Variants in ZNF750 observed in about 807,000 individuals in gnomAD.
ZNF750 encodes zinc finger protein 750, also known as protein ZNF750.
Under a neutral mutation model 31.6 loss-of-function variants are expected in ZNF750, and 10 were observed. The ratio of observed to expected loss-of-function variants is 0.32; its 90% confidence interval spans 0.19 to 0.54. The LOEUF (loss-of-function observed/expected upper bound fraction) is 0.54, where lower values mean the gene tolerates loss of function less well. Among genes scored for constraint, ZNF750 ranks in the 20% least tolerant of loss-of-function variants. The pLI is 0.95. For missense variants in ZNF750, 914 were observed against 934.9 expected, an observed-to-expected ratio of 0.98 and a Z score of 0.29; for synonymous variants, 400 against 404.9, an observed-to-expected ratio of 0.99 and a Z score of 0.15.
At chr17:82,834,145 G>A (rs567568291) in intron 1 of ZNF750, among the ~76,000 whole-genome samples, 6 of 152,180 alleles carry the variant, frequency 3.9e-5, no homozygotes, top group African/African-American at 1.4e-4. Flanking sequence ...ACGGGGTTTT[G>A]CCATGTGGGC....
At position 82,832,367 on chromosome 17, in the gene ZNF750, A is replaced by G. The variant is rs2053594870; in HGVS notation, c.88T>C (p.Cys30Arg). 6.2e-7 allele frequency: 1 copy of G among 1,614,130 alleles called. No individual in the cohort carries two copies. Reference sequence around the variant, plus strand: ...GACTTCTCATTGCAAGTAAAGGGACATTGGAAACATTTATACTTGAAGGGC... The same window carrying G: ...GACTTCTCATTGCAAGTAAAGGGACGTTGGAAACATTTATACTTGAAGGGC... ...GKPFKYKCFQCPFTCNEKSHL... is the reference protein window; with the variant it reads ...GKPFKYKCFQRPFTCNEKSHL... Residue 30 changes from cysteine (C) to arginine (R), a missense_variant, in exon 2 of 3, where the codon TGT (cysteine) becomes CGT (arginine). Coordinates refer to ENST00000269394, the MANE Select transcript of ZNF750 (RefSeq NM_024702.3). This position sits in a 1 kb window ranked among gnomAD's most constrained non-coding sequence, Gnocchi z 4.9.
chr17:82,835,737 A>G lies in ZNF750; in HGVS notation c.-182-3101T>C, dbSNP rs2053914102. 6.6e-6 allele frequency among the ~76,000 whole-genome samples: 1 copy of G among 152,114 alleles called. No individual in the cohort carries two copies. Among genetic ancestry groups the G allele is most frequent in the Admixed American group, 6.6e-5 (1 of 15,266 alleles). Reference sequence around the variant, plus strand: ...ACCGTGCCTGGCTCATTTATTTATAATTCTTAAAAACACAACCACCCTTCC... The same window carrying G: ...ACCGTGCCTGGCTCATTTATTTATAGTTCTTAAAAACACAACCACCCTTCC... On this transcript the variant is annotated intron_variant, in intron 1 of 2. Transcript: ENST00000269394. This position sits in a 1 kb window ranked among gnomAD's most constrained non-coding sequence, Gnocchi z 4.5.
chr17:82,830,638 C>G lies in ZNF750; in HGVS notation c.1676G>C (p.Cys559Ser). The G allele has an allele frequency of 5.6e-6, 9 of 1,614,020 alleles. No individual in the cohort carries two copies. The highest frequency in any genetic ancestry group is 7.6e-6 in the Non-Finnish European group (9 of 1,179,936). The change falls in exon 3 of 3, where the codon TGT (cysteine) becomes TCT (serine). Residue 559 changes from cysteine (C) to serine (S), a missense_variant. Cys to Ser is a moderately radical substitution (Grantham distance 112). Around this residue, in one of 2 missense-constraint regions of ZNF750, gnomAD observed 880 missense variants for 868.9 expected, o/e 1.01. Coordinates refer to ENST00000269394, the MANE Select transcript of ZNF750 (RefSeq NM_024702.3). ...LPLNLSVKDP[C>S]NTQAPRPAFP... ...GGCAGGCCTCGGAGCCTGGGTGTTA[C>G]AGGGGTCCTTCACCGAGAGATTGAG...
rs762665211 is a variant in ZNF750 at position 82,830,157 on chromosome 17, C to T, written c.2157G>A (p.Arg719=). Residue 719 remains arginine (R), a synonymous_variant, in exon 3 of 3, where the codon AGG becomes AGA. Transcript: ENST00000269394. ...DTARVFTLRR[R]ARVS The stretch of plus-strand genomic sequence containing the variant: ...GAACCCGGCGTTAGGACACCCGGGC[C>T]CTCCTTCGTAGTGTGAACACTCTGG... 43 of 1,613,828 alleles carry T rather than the reference C, an allele frequency of 2.7e-5. No individual in the cohort carries two copies. Among genetic ancestry groups the T allele is most frequent in the Non-Finnish European group, 3.4e-5 (40 of 1,180,048 alleles).
Position 82,832,123 on chromosome 17 carries a change from A to G in ZNF750, c.332T>C (p.Ile111Thr), listed in dbSNP as rs1299977313. The G allele has an allele frequency of 6.2e-7, 1 of 1,614,106 alleles. No homozygotes were observed. The highest frequency in any genetic ancestry group is 2.2e-5 in the East Asian group (1 of 44,868). Residue 111 changes from isoleucine to threonine, a missense_variant, in exon 2 of 3, where the codon ATC (isoleucine) becomes ACC (threonine). Coordinates refer to ENST00000269394, the MANE Select transcript of ZNF750 (RefSeq NM_024702.3). This position sits in a 1 kb window ranked among gnomAD's most constrained non-coding sequence, Gnocchi z 4.9. ...GGCTTGCAGCTCCAGGTTTTCCTTG[A>G]TGTCTTCCCTGGCAGAGCTGTGCTG... Reference protein sequence around the residue: ...KLQHSSAREDIKENLELQARG... With the variant: ...KLQHSSAREDTKENLELQARG...
At position 82,832,504 on chromosome 17, in the gene ZNF750, T is replaced by G; in HGVS notation, c.-50A>C. Reference sequence around the variant, plus strand: ...GGCTGTCCAGGTGGCGTGATCACTGTCGACGCCGCGTGCACTTCGTGGTTT... The same window carrying G: ...GGCTGTCCAGGTGGCGTGATCACTGGCGACGCCGCGTGCACTTCGTGGTTT... On this transcript the variant is annotated 5_prime_UTR_variant, in exon 2 of 3. Transcript: ENST00000269394. This position sits in a 1 kb window ranked among gnomAD's most constrained non-coding sequence, Gnocchi z 4.9. The G allele has an allele frequency of 2.0e-6, 3 of 1,533,696 alleles. No individual in the cohort carries two copies. The highest frequency in any genetic ancestry group is 2.7e-6 in the Non-Finnish European group (3 of 1,118,670).
rs188432541 is a variant in ZNF750, at chr17:82,830,882, A to G, written c.1437-5T>C. 7.8e-5 allele frequency: 125 copies of G among 1,612,726 alleles called. No individual in the cohort carries two copies. The highest frequency in any genetic ancestry group is 8.3e-5 in the Admixed American group (5 of 60,024). On this transcript the variant is annotated splice_polypyrimidine_tract_variant and splice_region_variant and intron_variant, in intron 2 of 2. Coordinates refer to ENST00000269394, the MANE Select transcript of ZNF750 (RefSeq NM_024702.3). ...TCTCCGTTCACAACATTGAGGCTAG[A>G]AGAAGCCAAGAAAAAGCTTAGTAGG...
At position 82,835,634 on chromosome 17, in the gene ZNF750, C is replaced by T. The variant is rs112992590; in HGVS notation, c.-182-2998G>A. Among the ~76,000 whole-genome samples the T allele has an allele frequency of 2.6e-5, 4 of 151,844 alleles. No homozygotes were observed. The highest frequency in any genetic ancestry group is 6.6e-5 in the Admixed American group (1 of 15,250). On this transcript the variant is annotated intron_variant, in intron 1 of 2. Transcript: ENST00000269394. This position sits in a 1 kb window ranked among gnomAD's most constrained non-coding sequence, Gnocchi z 4.5. Reference sequence around the variant, plus strand: ...GAGATGGGGTTTCACTATGTTGGCCCGGCTGGTCTTGAACTCCTGACCTCA... The same window carrying T: ...GAGATGGGGTTTCACTATGTTGGCCTGGCTGGTCTTGAACTCCTGACCTCA...
rs1327689051 is a variant in ZNF750, at chr17:82,830,689, C to T, written c.1625G>A (p.Ser542Asn). Residue 542 changes from serine to asparagine, a missense_variant, in exon 3 of 3, where the codon AGC becomes AAC. By Grantham distance (46) the Ser-to-Asn change is conservative. Around this residue, in one of 2 missense-constraint regions of ZNF750, gnomAD observed 880 missense variants for 868.9 expected, o/e 1.01. Transcript: ENST00000269394. ...YQGSPQAETASFSELQDLPLN... is the reference protein window; with the variant it reads ...YQGSPQAETANFSELQDLPLN... Reference sequence around the variant, plus strand: ...TGGAAGGTCCTGCAGCTCTGAGAAGCTGGCGGTTTCCGCCTGGGGGCTGCC... The same window carrying T: ...TGGAAGGTCCTGCAGCTCTGAGAAGTTGGCGGTTTCCGCCTGGGGGCTGCC... 1 of 1,614,046 alleles carries T rather than the reference C, an allele frequency of 6.2e-7. No individual in the cohort carries two copies. Among genetic ancestry groups the T allele is most frequent in the African/African-American group, 1.3e-5 (1 of 74,930 alleles).
chr17:82,837,823 C>T (rs976493213), intron 1 of ZNF750, among the ~76,000 whole-genome samples: 10 of 152,334 alleles, frequency 6.6e-5, no homozygotes, highest in South Asian at 2.1e-4. Context: ...ACACCTCCTC[C>T]GAGCCTGGCC....
chr17:82,829,752 C>T lies in ZNF750; in HGVS notation c.*390G>A, dbSNP rs539281957. 10 of 194,822 alleles carry T rather than the reference C, an allele frequency of 5.1e-5. No homozygotes were observed. The South Asian group carries it at 9.5e-4, about 19-fold the overall frequency. 12.1% of individuals were successfully genotyped at this position (194,822 alleles called of 1,614,324 possible). ...TTAGTACTGAAAATGTTTTTTCTGACATTTTTTCAGTAATTGTCATTTACA... is the reference window on the plus strand; with the variant it reads ...TTAGTACTGAAAATGTTTTTTCTGATATTTTTTCAGTAATTGTCATTTACA... On this transcript the variant is annotated 3_prime_UTR_variant, in exon 3 of 3. Coordinates refer to ENST00000269394, the MANE Select transcript of ZNF750 (RefSeq NM_024702.3).
At chr17:82,836,913 G>T (rs1466088079) in intron 1 of ZNF750, among the ~76,000 whole-genome samples, 4 of 152,138 alleles carry the variant, frequency 2.6e-5, no homozygotes, top group Admixed American at 6.6e-5. Context: ...CACGTAAGCG[G>T]GTGTGGCAGG....
At chr17:82,834,380 C>T (rs965308360) in intron 1 of ZNF750, among the ~76,000 whole-genome samples, 2 of 152,106 alleles carry the variant, frequency 1.3e-5, no homozygotes, top group Non-Finnish European at 2.9e-5. Flanking sequence ...AGGCTAAGCA[C>T]TTTAATTCGT....
At chr17:82,838,682 C>G (rs190687792) in intron 1 of ZNF750, 3 of 985,432 alleles carry the variant, frequency 3.0e-6, no homozygotes, top group East Asian at 2.3e-4. Context: ...CCCAGCCTTT[C>G]GGTTCTTTAA....
rs370565250 is a variant in ZNF750 at position 82,830,189 on chromosome 17, C to T, written c.2125G>A (p.Asp709Asn). 2.5e-6 allele frequency: 4 copies of T among 1,614,088 alleles called. No individual in the cohort carries two copies. The highest frequency in any genetic ancestry group is 3.4e-6 in the Non-Finnish European group (4 of 1,180,046). The change falls in exon 3 of 3, where the codon GAC becomes AAC. Residue 709 changes from aspartate (D) to asparagine (N), a missense_variant. This residue lies in a region of ZNF750 where 880 missense variants were observed against 868.9 expected (regional missense o/e 1.01). Coordinates refer to ENST00000269394, the MANE Select transcript of ZNF750 (RefSeq NM_024702.3). ...QQGAKKAKLQ[D>N]TARVFTLRRR... ...CGTAGTGTGAACACTCTGGCCGTGT[C>T]CTGCAGCTTCGCCTTCTTAGCTCCT... is the stretch of plus-strand genomic sequence containing the variant.
Position 82,833,686 on chromosome 17 carries a change from G to A in ZNF750, c.-182-1050C>T, listed in dbSNP as rs539886276. On this transcript the variant is annotated intron_variant, in intron 1 of 2. Transcript: ENST00000269394. This position sits in a 1 kb window ranked among gnomAD's most constrained non-coding sequence, Gnocchi z 4.7. ...CCAAAGCTTTGCCACACTCCTGCCC[G>A]AGAGGAGACCAGAGTGAGTAGTATC... 1.3e-5 allele frequency among the ~76,000 whole-genome samples: 2 copies of A among 152,288 alleles called. No homozygotes were observed. Among genetic ancestry groups the A allele is most frequent in the East Asian group, 3.9e-4 (2 of 5,164 alleles).
Position 82,832,961 on chromosome 17 carries a change from C to T in ZNF750, c.-182-325G>A, listed in dbSNP as rs74002543. ...TAAGCCTTTGAGTTTTGGGAACTTT[C>T]ATCCTGTGACCTGGACCTTTCCTCG... is the stretch of plus-strand genomic sequence containing the variant. On this transcript the variant is annotated intron_variant, in intron 1 of 2. Transcript: ENST00000269394. The surrounding 1 kb of genome is among the most constrained non-coding windows in gnomAD (Gnocchi z 4.9). Among the ~76,000 whole-genome samples, 1,565 of 152,298 alleles carry T rather than the reference C, an allele frequency of 0.01. 23 individuals are homozygous for T. Among genetic ancestry groups the T allele is most frequent in the African/African-American group, 0.035 (1,458 of 41,556 alleles).
intron 1 of ZNF750, among the ~76,000 whole-genome samples, chr17:82,834,130 T>C (rs537545831): frequency 6.6e-6 from 1 of 152,298 alleles, no homozygotes; most frequent in South Asian, 2.1e-4. Context: ...GTATTTTTAG[T>C]AGAGACGGGG....
chr17:82,832,568 A>C lies in ZNF750; in HGVS notation c.-114T>G. ...TCCCGCTTTGCTTTCTTTCCCGATC[A>C]CTTCTATCAGAAGCCAGCTCTGCGT... On this transcript the variant is annotated 5_prime_UTR_variant, in exon 2 of 3. Coordinates refer to ENST00000269394, the MANE Select transcript of ZNF750 (RefSeq NM_024702.3). This position sits in a 1 kb window ranked among gnomAD's most constrained non-coding sequence, Gnocchi z 4.9. The C allele has an allele frequency of 3.4e-6, 3 of 891,532 alleles. No homozygotes were observed. The highest frequency in any genetic ancestry group is 2.8e-5 in the South Asian group (2 of 71,346). The allele number at this position is 891,532 out of a possible 1,614,324, so 55.2% of individuals were successfully genotyped here.
Sources: allele counts gnomAD v4.1 joint callset (sites outside exome capture counted in the v4.1 genomes callset), GRCh38; gene constraint gnomAD v4.1.1; regional missense constraint gnomAD v4.1.1; non-coding constraint Gnocchi (gnomAD v3.1); transcripts MANE v1.5; gene names NCBI Gene and HGNC (gene_info 2026-07-23, HGNC 2026-07-21).